The following PKD1L3 variants were observed in gnomAD, a reference collection of about 807,000 sequenced individuals.
The protein encoded by PKD1L3 is polycystin-1-like protein 3.
A neutral mutation model predicts 184.1 loss-of-function variants in PKD1L3; 239 were observed. The ratio of observed to expected loss-of-function variants is 1.30; its 90% CI spans 1.17 to 1.45. PKD1L3 has a LOEUF of 1.45. PKD1L3 is among the 40% of genes most tolerant of loss of function. The pLI is 0.00. For synonymous variants in PKD1L3, 996 were observed against 778.8 expected (o/e 1.28, Z -4.64); for missense variants, 2,660 against 2,067.2 (o/e 1.29, Z -5.56).
rs367685730 is a variant in PKD1L3, at chr16:71,999,943, G to A, written c.36C>T (p.Tyr12=). 4.9e-5 allele frequency: 76 copies of A among 1,535,626 alleles called. 1 individual carries two copies. Among genetic ancestry groups the A allele is most frequent in the Admixed American group, 3.2e-4 (16 of 50,256 alleles). The change falls in exon 1 of 30, where the codon TAC becomes TAT. Residue 12 remains tyrosine, a synonymous_variant. Coordinates refer to ENST00000620267, the MANE Select transcript of PKD1L3 (RefSeq NM_181536.2). Reference sequence around the variant, plus strand: ...TTCCTAGAATAATACTTGTTCTGATGTATAACCAAAGCCAGCTTCCTCCTT... The same window carrying A: ...TTCCTAGAATAATACTTGTTCTGATATATAACCAAAGCCAGCTTCCTCCTT... ...FFKGGSWLWL[Y]IRTSIILGSE...
rs562508958 is a variant in PKD1L3 at position 71,982,047 on chromosome 16, T to G, written c.1143+12A>C. ...CTAAGCAGATCTGGCCACCTGCATATCTGGCACCTACCGGCTCAGTATGAC... is the reference window on the plus strand; with the variant it reads ...CTAAGCAGATCTGGCCACCTGCATAGCTGGCACCTACCGGCTCAGTATGAC... On this transcript the variant is annotated intron_variant, in intron 7 of 29. Coordinates refer to ENST00000620267, the MANE Select transcript of PKD1L3 (RefSeq NM_181536.2). 1 of 1,535,814 alleles carries G rather than the reference T, an allele frequency of 6.5e-7. No individual in the cohort carries two copies. Among genetic ancestry groups the G allele is most frequent in the South Asian group, 1.2e-5 (1 of 81,146 alleles).
chr16:71,951,521 G>C, intron 19 of PKD1L3, 43 bp downstream of exon 19: 2 of 1,511,174 alleles, frequency 1.3e-6, no homozygotes, highest in Non-Finnish European at 1.8e-6. Context: ...AAGGGAGTGG[G>C]AGGCAGATGG....
intron 14 of PKD1L3, 75 bp downstream of exon 14, chr16:71,967,831 G>A (rs1019986376): frequency 7.9e-7 from 1 of 1,269,266 alleles, no homozygotes. Context: ...TTGGTTGCCA[G>A]GATATCACCA....
chr16:71,934,131 C>T lies in PKD1L3; in HGVS notation c.4614-6G>A. ...CCTCATAGAAGCTGATGAATCTGCA[C>T]CAAGGAAAGCTGACAGTTACTCAGC... On this transcript the variant is annotated splice_region_variant and splice_polypyrimidine_tract_variant and intron_variant, in intron 26 of 29. Coordinates refer to ENST00000620267, the MANE Select transcript of PKD1L3 (RefSeq NM_181536.2). 6.4e-7 allele frequency: 1 copy of T among 1,551,542 alleles called. No homozygotes were observed. The highest frequency in any genetic ancestry group is 8.7e-7 in the Non-Finnish European group (1 of 1,146,928).
intron 16 of PKD1L3, among the ~76,000 whole-genome samples, chr16:71,955,667 A>T (rs2039017955): frequency 6.6e-6 from 1 of 151,642 alleles, no homozygotes; most frequent in Admixed American, 6.6e-5. Flanking sequence ...TCCCCACCCA[A>T]ATCTCATCTT....
At chr16:71,966,798 T>G (rs190874074) in intron 15 of PKD1L3, among the ~76,000 whole-genome samples, 28 of 152,320 alleles carry the variant, frequency 1.8e-4, no homozygotes, top group Non-Finnish European at 3.4e-4. Flanking sequence ...AGTTAGTCTT[T>G]AAGGATATTT....
chr16:71,976,262 G>GTTTTTTTTTTTTTT (rs1567534640), intron 11 of PKD1L3, among the ~76,000 whole-genome samples: 5 of 25,188 alleles, frequency 2.0e-4, no homozygotes, highest in East Asian at 1.0e-3. Flanking sequence ...TGCCCAGCCT[G>GTTTTTTTTTTTTTT]TCTTTTTTTT....
At chr16:71,949,521 TTTTC>T (rs2038748133) in intron 21 of PKD1L3, among the ~76,000 whole-genome samples, 1 of 151,964 alleles carries the variant, frequency 6.6e-6, no homozygotes, top group Non-Finnish European at 1.5e-5. Flanking sequence ...CTGGCTAATT[TTTTC>T]TAATTTTTGT....
At chr16:71,952,253 G>A (rs2038865575) in intron 18 of PKD1L3, among the ~76,000 whole-genome samples, 1 of 112,648 alleles carries the variant, frequency 8.9e-6, no homozygotes, top group African/African-American at 3.4e-5. Flanking sequence ...TGTCTCTGTT[G>A]CCAGGCTGGA....
At chr16:71,988,726 G>C (rs1001217751) in intron 4 of PKD1L3, among the ~76,000 whole-genome samples, 6 of 152,110 alleles carry the variant, frequency 3.9e-5, no homozygotes, top group Admixed American at 3.9e-4. Context: ...AGATAAACGG[G>C]AGAAAAGCAC....
intron 2 of PKD1L3, among the ~76,000 whole-genome samples, chr16:71,997,422 C>CTG: frequency 6.7e-6 from 1 of 149,862 alleles, no homozygotes; most frequent in East Asian, 2.0e-4. Flanking sequence ...CCCCCCCCCC[C>CTG]ACAACCACTC....
chr16:71,944,527 TAAAA>T (rs1025029595), intron 22 of PKD1L3, among the ~76,000 whole-genome samples: 1 of 151,684 alleles, frequency 6.6e-6, no homozygotes, highest in African/African-American at 2.4e-5. Flanking sequence ...TACAAAAAAA[TAAAA>T]AATTAGCCAG....
In PKD1L3 at chr16:71,979,851, G is replaced by A; in HGVS notation, c.1333C>T (p.Leu445=). The A allele has an allele frequency of 6.5e-7, 1 of 1,527,186 alleles. No individual in the cohort carries two copies. The highest frequency in any genetic ancestry group is 1.3e-5 in the South Asian group (1 of 79,008). The allele number at this position is 1,527,186 out of a possible 1,614,324, so 94.6% of individuals were successfully genotyped here. The change falls in exon 9 of 30, where the codon CTA becomes TTA. Residue 445 remains leucine, a synonymous_variant. Transcript: ENST00000620267. ...YTLGHPAPVR[L]GFPSALALKE... Reference sequence around the variant, plus strand: ...AAAGCTAAAGCCGACGGAAAGCCTAGCCTCACAGGGGCTGGGTGACCCAGA... The same window carrying A: ...AAAGCTAAAGCCGACGGAAAGCCTAACCTCACAGGGGCTGGGTGACCCAGA...
chr16:71,994,638 T>C (rs184173274), intron 2 of PKD1L3, among the ~76,000 whole-genome samples: 1 of 152,222 alleles, frequency 6.6e-6, no homozygotes, highest in African/African-American at 2.4e-5. Context: ...CCTTAAAAAT[T>C]GTCCAAACTT....
Position 71,980,039 on chromosome 16 carries a change from CAA to C in PKD1L3, c.1237_1238del (p.Leu413AspfsTer46), listed in dbSNP as rs944442797. 2.6e-6 allele frequency: 4 copies of C among 1,551,968 alleles called. No homozygotes were observed. In the African/African-American group the frequency reaches 5.5e-5, roughly 21 times the overall value. On this transcript the variant is annotated frameshift_variant, in exon 8 of 30. Coordinates refer to ENST00000620267, the MANE Select transcript of PKD1L3 (RefSeq NM_181536.2). LOFTEE classifies it high-confidence loss of function. ...QNQSPESSVT[L>X]TSANATLLLS... Reference sequence around the variant, plus strand: ...GCAGCAGAGTAGCATTGGCAGAGGTCAAAGTCACTGAAGACTCGGGAGACTGG... The same window carrying C: ...GCAGCAGAGTAGCATTGGCAGAGGTCAGTCACTGAAGACTCGGGAGACTGG...
Position 71,969,891 on chromosome 16 carries a change from T to A in PKD1L3, c.2168A>T (p.Gln723Leu). Reference sequence around the variant, plus strand: ...TCTCATTACCTTCTGCATATCTGCTTGATCCTTTTTCCGAGCCCACACAAC... The same window carrying A: ...TCTCATTACCTTCTGCATATCTGCTAGATCCTTTTTCCGAGCCCACACAAC... ...ITVVWARKKD[Q>L]ADMQKVKVTV... The change falls in exon 13 of 30, where the codon CAA becomes CTA. Residue 723 changes from glutamine (Q) to leucine (L), a missense_variant. Coordinates refer to ENST00000620267, the MANE Select transcript of PKD1L3 (RefSeq NM_181536.2). The A allele has an allele frequency of 6.5e-7, 1 of 1,550,078 alleles. No individual in the cohort carries two copies. The highest frequency in any genetic ancestry group is 8.7e-7 in the Non-Finnish European group (1 of 1,145,298).
At chr16:71,972,577 G>C (rs900846314) in intron 12 of PKD1L3, among the ~76,000 whole-genome samples, 4 of 151,922 alleles carry the variant, frequency 2.6e-5, no homozygotes, top group African/African-American at 7.3e-5. Context: ...CTCATTACTT[G>C]AAAGTTTGAG....
rs1257890753 is a variant in PKD1L3 at position 71,967,223 on chromosome 16, A to G, written c.2379T>C (p.Asp793=). The G allele has an allele frequency of 6.4e-7, 1 of 1,551,724 alleles. No individual in the cohort carries two copies. The highest frequency in any genetic ancestry group is 1.2e-5 in the South Asian group (1 of 84,062). ...QKTVFERGGL[D]VFLLTTWTSL... is the part of the protein sequence containing the mutation. Reference sequence around the variant, plus strand: ...AGGTCCAAGTGGTGAGAAGGAAGACATCCAGGCCCCCTCGTTCAAAGACTG... The same window carrying G: ...AGGTCCAAGTGGTGAGAAGGAAGACGTCCAGGCCCCCTCGTTCAAAGACTG... Residue 793 remains aspartate (D), a synonymous_variant, in exon 15 of 30, where the codon GAT becomes GAC. Transcript: ENST00000620267.
At chr16:71,945,989 G>A (rs1050893747) in intron 22 of PKD1L3, among the ~76,000 whole-genome samples, 2 of 152,224 alleles carry the variant, frequency 1.3e-5, no homozygotes, top group Non-Finnish European at 2.9e-5. Flanking sequence ...ACGAAGTTCC[G>A]CTCTTGTCAC....
Sources: allele counts gnomAD v4.1 joint callset (sites outside exome capture counted in the v4.1 genomes callset), GRCh38; gene constraint gnomAD v4.1.1; transcripts MANE v1.5; gene names NCBI Gene and HGNC (gene_info 2026-07-23, HGNC 2026-07-21).